Variants in AATF observed in about 807,000 individuals in gnomAD.
The protein encoded by AATF is apoptosis antagonizing transcription factor.
Under a neutral mutation model 63.7 loss-of-function variants are expected in AATF, and 48 were observed. That is an observed-to-expected ratio of 0.75 (90% CI 0.60 to 0.96). The LOEUF (loss-of-function observed/expected upper bound fraction) is 0.96, where lower values mean the gene tolerates loss of function less well. Among genes scored for constraint, AATF ranks in the 40% least tolerant of loss-of-function variants. The pLI, the probability that AATF is intolerant of heterozygous loss-of-function variation, is 0.00. For missense variants in AATF, 639 were observed against 685.7 expected (o/e 0.93, Z 0.76); for synonymous variants, 258 against 247.7 (o/e 1.04, Z -0.39).
At chr17:36,992,723 A>C (rs770844799) in intron 8 of AATF, among the ~76,000 whole-genome samples, 44 of 151,804 alleles carry the variant, frequency 2.9e-4, no homozygotes, top group Non-Finnish European at 5.4e-4. Context: ...CTGATTTCAG[A>C]GTTATGACTA....
At chr17:37,007,094 A>C (rs2071346768) in intron 8 of AATF, among the ~76,000 whole-genome samples, 1 of 152,140 alleles carries the variant, frequency 6.6e-6, no homozygotes, top group Non-Finnish European at 1.5e-5. Flanking sequence ...TCCCTGTGTC[A>C]TTCTGTAAAT....
At chr17:37,043,881 T>C (rs1193621039) in intron 11 of AATF, among the ~76,000 whole-genome samples, 1 of 152,150 alleles carries the variant, frequency 6.6e-6, no homozygotes, top group African/African-American at 2.4e-5. Flanking sequence ...TTCTTTTTAA[T>C]TTTTTAATTT....
At chr17:37,012,130 G>A (rs1284355537) in intron 8 of AATF, among the ~76,000 whole-genome samples, 1 of 151,700 alleles carries the variant, frequency 6.6e-6, no homozygotes, top group Non-Finnish European at 1.5e-5. Flanking sequence ...TTGGCTCACT[G>A]CAACTTCCGT....
At chr17:37,004,492 C>T (rs528150896) in intron 8 of AATF, among the ~76,000 whole-genome samples, 47 of 151,978 alleles carry the variant, frequency 3.1e-4, no homozygotes, top group Admixed American at 2.0e-3. Context: ...GAAATGATCC[C>T]GTAGAGAGGT....
At chr17:36,962,541 G>A (rs2070956031) in intron 4 of AATF, among the ~76,000 whole-genome samples, 1 of 151,970 alleles carries the variant, frequency 6.6e-6, no homozygotes, top group East Asian at 1.9e-4. Flanking sequence ...TTAGGAGTGA[G>A]AGTTGTCTTC....
At chr17:37,005,930 C>T (rs529471943) in intron 8 of AATF, among the ~76,000 whole-genome samples, 4 of 151,986 alleles carry the variant, frequency 2.6e-5, no homozygotes, top group African/African-American at 7.2e-5. Context: ...GAGCTTGAGA[C>T]TAACCTGGGC....
chr17:36,949,108 G>C lies in AATF; in HGVS notation c.-18G>C, dbSNP rs376436062. 7.5e-5 allele frequency: 117 copies of C among 1,563,868 alleles called. No homozygotes were observed. In the African/African-American group the frequency reaches 1.4e-3, roughly 19 times the overall value. On this transcript the variant is annotated 5_prime_UTR_variant, in exon 1 of 12. Coordinates refer to ENST00000619387, the MANE Select transcript of AATF (RefSeq NM_012138.4). ...ACATTTACGTGCGCGAAGCGGAGTG[G>C]ACCGGGAGCTGGTGACGATGGCGGG... is the stretch of plus-strand genomic sequence containing the variant.
chr17:37,009,775 C>G (rs2071372626), intron 8 of AATF, among the ~76,000 whole-genome samples: 1 of 143,068 alleles, frequency 7.0e-6, no homozygotes, highest in Admixed American at 7.1e-5. Flanking sequence ...CGAGATTGCG[C>G]CACTGCAGTC....
chr17:36,970,943 T>C (rs535898584), intron 4 of AATF, among the ~76,000 whole-genome samples: 1 of 152,306 alleles, frequency 6.6e-6, no homozygotes, highest in African/African-American at 2.4e-5. Flanking sequence ...ACAGTCAATT[T>C]ATATTAACTT....
intron 11 of AATF, among the ~76,000 whole-genome samples, chr17:37,044,229 A>G (rs1054796676): frequency 1.8e-4 from 28 of 152,184 alleles, no homozygotes; most frequent in African/African-American, 6.3e-4. Flanking sequence ...GTCACTTTGT[A>G]TAGATCCATA....
intron 4 of AATF, among the ~76,000 whole-genome samples, chr17:36,963,096 CAA>C (rs1026318087): frequency 1.4e-4 from 21 of 152,100 alleles, no homozygotes; most frequent in African/African-American, 4.8e-4. Flanking sequence ...TCCAGCCTGA[CAA>C]GAGCAAAACT....
chr17:36,994,519 C>T (rs1341392421), intron 8 of AATF, among the ~76,000 whole-genome samples: 1 of 152,216 alleles, frequency 6.6e-6, no homozygotes, highest in Non-Finnish European at 1.5e-5. Context: ...AACTGTTCAT[C>T]TGCTTCAGAA....
chr17:37,004,252 A>T (rs1470231182), intron 8 of AATF, among the ~76,000 whole-genome samples: 1 of 152,128 alleles, frequency 6.6e-6, no homozygotes, highest in African/African-American at 2.4e-5. Flanking sequence ...AATTGCTTGA[A>T]TTCAGGAGGC....
chr17:36,975,054 A>G (rs1374150268), intron 4 of AATF, among the ~76,000 whole-genome samples: 2 of 152,178 alleles, frequency 1.3e-5, no homozygotes, highest in African/African-American at 2.4e-5. Context: ...TTCCTGCCCA[A>G]CAATACTTAG....
intron 8 of AATF, among the ~76,000 whole-genome samples, chr17:36,992,474 A>G (rs756575510): frequency 8.5e-5 from 13 of 152,192 alleles, no homozygotes; most frequent in Non-Finnish European, 1.2e-4. Flanking sequence ...AGATCACGGG[A>G]GACAATCAAA....
At chr17:36,951,516 ACCT>A (rs2070854847) in intron 2 of AATF, among the ~76,000 whole-genome samples, 1 of 152,194 alleles carries the variant, frequency 6.6e-6, no homozygotes, top group African/African-American at 2.4e-5. Flanking sequence ...TACATGTGTC[ACCT>A]AATTTAATCC....
At chr17:37,030,080 G>T (rs1378046170) in intron 10 of AATF, among the ~76,000 whole-genome samples, 1 of 151,356 alleles carries the variant, frequency 6.6e-6, no homozygotes, top group African/African-American at 2.4e-5. Flanking sequence ...TTTTTTCTGG[G>T]TTGGTGTGGG....
At chr17:37,021,363 T>A (rs1234012989) in intron 10 of AATF, among the ~76,000 whole-genome samples, 1 of 152,210 alleles carries the variant, frequency 6.6e-6, no homozygotes. Flanking sequence ...GCGTGGTGGC[T>A]CACGCCTGTA....
chr17:37,025,847 G>T (rs1392844014), intron 10 of AATF, among the ~76,000 whole-genome samples: 1 of 152,146 alleles, frequency 6.6e-6, no homozygotes, highest in African/African-American at 2.4e-5. Context: ...CACAATAGAT[G>T]CTAAAATCAA....
Sources: allele counts gnomAD v4.1 joint callset (sites outside exome capture counted in the v4.1 genomes callset), GRCh38; gene constraint gnomAD v4.1.1; transcripts MANE v1.5; gene names NCBI Gene and HGNC (gene_info 2026-07-23, HGNC 2026-07-21).